Variants in HIPK3 observed in about 807,000 individuals in gnomAD.
The protein encoded by HIPK3 is homeodomain interacting protein kinase 3, also known as homeodomain-interacting protein kinase 3.
In HIPK3, 47 loss-of-function variants were observed where a neutral mutation model predicts 124.2. That is an observed-to-expected ratio of 0.38 (90% CI 0.30 to 0.48). The LOEUF is 0.48. HIPK3 is among the 20% of genes least tolerant of loss of function. HIPK3 has a pLI of 0.98. For synonymous variants in HIPK3, 482 were observed against 515.2 expected, an observed-to-expected ratio of 0.94 and a Z score of 0.87; for missense variants, 1,286 against 1,454.3, an observed-to-expected ratio of 0.88 and a Z score of 1.88.
In HIPK3 at chr11:33,308,613, G is replaced by GGGGT. The variant is rs1554965207; in HGVS notation, c.1098-19896_1098-19895insGGTG. Among the ~76,000 whole-genome samples the GGGGT allele has an allele frequency of 4.0e-3, 594 of 147,474 alleles. 1 individual carries two copies. The highest frequency in any genetic ancestry group is 7.1e-3 in the Admixed American group (105 of 14,754). ...CTTGATCTACAGGTGTGTGCCTAGG[G>GGGGT]GTGTGTGTGTGTGTGTGTGTGTGTG... is the stretch of plus-strand genomic sequence containing the variant. On this transcript the variant is annotated intron_variant, in intron 2 of 16. Coordinates refer to ENST00000303296, the MANE Select transcript of HIPK3 (RefSeq NM_005734.5).
At chr11:33,321,830 A>C (rs1852670925) in intron 2 of HIPK3, among the ~76,000 whole-genome samples, 1 of 152,134 alleles carries the variant, frequency 6.6e-6, no homozygotes, top group African/African-American at 2.4e-5. Flanking sequence ...GAAAATACTA[A>C]GGCTTAGGTA....
intron 2 of HIPK3, among the ~76,000 whole-genome samples, chr11:33,320,521 G>C (rs1458048236): frequency 2.0e-5 from 3 of 152,212 alleles, no homozygotes; most frequent in African/African-American, 7.2e-5. Context: ...AGAGATGGTA[G>C]AGGATAAGGA....
rs1376126629 is a variant in HIPK3 at position 33,341,680 on chromosome 11, A to C, written c.1891A>C (p.Ile631Leu). ...QQTLIICPPA[I>L]QGIPATHGKP... The stretch of plus-strand genomic sequence containing the variant: ...GACATTGATTATCTGTCCCCCAGCT[A>C]TTCAAGGTATTATTTTATTTAAATT... Residue 631 changes from isoleucine (I) to leucine (L), a missense_variant, in exon 8 of 17, where the codon ATT becomes CTT. This residue lies in a region of HIPK3 where 810 missense variants were observed against 864.9 expected (regional missense o/e 0.94). Coordinates refer to ENST00000303296, the MANE Select transcript of HIPK3 (RefSeq NM_005734.5). The C allele has an allele frequency of 6.2e-7, 1 of 1,606,260 alleles. No individual in the cohort carries two copies.
rs374964013 is a variant in HIPK3 at position 33,302,339 on chromosome 11, C to CT, written c.1097+14830dup. ...TGAACTTCTCTATGATAATTCCTTA[C>CT]TTCTTTTTTTTTTTTTTGAGAAGGA... On this transcript the variant is annotated intron_variant, in intron 2 of 16. Transcript: ENST00000303296. Among the ~76,000 whole-genome samples the CT allele has an allele frequency of 1.5e-4, 18 of 121,140 alleles. 1 individual carries two copies. The highest frequency in any genetic ancestry group is 3.9e-4 in the African/African-American group (13 of 33,718). The allele number at this position is 121,140 out of a possible 152,430, so 79.5% of individuals were successfully genotyped here.
Position 33,349,237 on chromosome 11 carries a change from T to G in HIPK3, c.2757T>G (p.Ser919Arg). The G allele has an allele frequency of 6.2e-7, 1 of 1,613,700 alleles. No individual in the cohort carries two copies. The highest frequency in any genetic ancestry group is 8.5e-7 in the Non-Finnish European group (1 of 1,179,594). The stretch of plus-strand genomic sequence containing the variant: ...TAAGTAGTCCTGATAGTACTCTGAG[T>G]ACCAGCTCCTCAGGGCAGTCCAGCC... ...CSLSSPDSTL[S>R]TSSSGQSSPS... is the part of the protein sequence containing the mutation. Residue 919 changes from serine to arginine, a missense_variant, in exon 14 of 17, where the codon AGT (serine) becomes AGG (arginine). This residue lies in a region of HIPK3 where 810 missense variants were observed against 864.9 expected (regional missense o/e 0.94). Transcript: ENST00000303296.
At chr11:33,316,879 A>G (rs1331685029) in intron 2 of HIPK3, among the ~76,000 whole-genome samples, 1 of 152,238 alleles carries the variant, frequency 6.6e-6, no homozygotes, top group African/African-American at 2.4e-5. Context: ...AATAAATAAG[A>G]TTCACTTAAG....
Position 33,349,143 on chromosome 11 carries a change from C to G in HIPK3, c.2667-4C>G. The G allele has an allele frequency of 6.2e-7, 1 of 1,610,026 alleles. No homozygotes were observed. The highest frequency in any genetic ancestry group is 8.5e-7 in the Non-Finnish European group (1 of 1,178,304). On this transcript the variant is annotated splice_polypyrimidine_tract_variant and splice_region_variant and intron_variant, in intron 13 of 16. Transcript: ENST00000303296. ...TCATGTTTTTCCCTTTTCTCTTCCA[C>G]TAGATGTAAAGGTAGTCTAGATTGT... is the stretch of plus-strand genomic sequence containing the variant.
At chr11:33,289,804 T>C (rs895922101) in intron 2 of HIPK3, among the ~76,000 whole-genome samples, 1 of 152,162 alleles carries the variant, frequency 6.6e-6, no homozygotes, top group South Asian at 2.1e-4. Context: ...CTCTACTCCC[T>C]ACCCCCATCT....
intron 2 of HIPK3, among the ~76,000 whole-genome samples, chr11:33,308,797 C>G (rs936063646): frequency 7.4e-6 from 1 of 135,612 alleles, no homozygotes; most frequent in Non-Finnish European, 1.6e-5. Flanking sequence ...CATTTTAGTT[C>G]TATATATATA....
intron 15 of HIPK3, 33 bp downstream of exon 15, chr11:33,351,876 C>T (rs1304793327): frequency 1.3e-6 from 2 of 1,527,154 alleles, no homozygotes; most frequent in Non-Finnish European, 1.8e-6. Flanking sequence ...TCTGGTTGTC[C>T]TTTAAATACG....
At chr11:33,306,059 G>T (rs1374822320) in intron 2 of HIPK3, among the ~76,000 whole-genome samples, 2 of 152,054 alleles carry the variant, frequency 1.3e-5, no homozygotes, top group Non-Finnish European at 2.9e-5. Flanking sequence ...TAAAGCTGAA[G>T]ATATTTTAGA....
At chr11:33,299,966 G>C (rs1261724047) in intron 2 of HIPK3, among the ~76,000 whole-genome samples, 1 of 150,146 alleles carries the variant, frequency 6.7e-6, no homozygotes, top group East Asian at 2.0e-4. Context: ...AGGTTGCGGT[G>C]AGCAGAGACT....
At chr11:33,352,443 T>C (rs1014100503) in intron 16 of HIPK3, among the ~76,000 whole-genome samples, 178 bp downstream of exon 16, 3 of 152,240 alleles carry the variant, frequency 2.0e-5, no homozygotes, top group African/African-American at 7.2e-5. Flanking sequence ...AAATTATCCA[T>C]AGAACTTGTA....
chr11:33,294,866 C>CT (rs1368518316), intron 2 of HIPK3, among the ~76,000 whole-genome samples: 3 of 152,142 alleles, frequency 2.0e-5, no homozygotes, highest in Non-Finnish European at 2.9e-5. Flanking sequence ...ACTAATGGAC[C>CT]TTTTTTTCTC....
chr11:33,261,477 T>C (rs747985178), intron 1 of HIPK3, among the ~76,000 whole-genome samples: 12 of 152,204 alleles, frequency 7.9e-5, no homozygotes, highest in East Asian at 1.9e-4. Context: ...TTTGGTTTTC[T>C]GTTCCTGCAT....
intron 1 of HIPK3, among the ~76,000 whole-genome samples, chr11:33,282,792 G>C (rs1851446334): frequency 6.6e-6 from 1 of 152,140 alleles, no homozygotes; most frequent in Non-Finnish European, 1.5e-5. Flanking sequence ...AAATTATCGA[G>C]TAGGGTGTAG....
Position 33,341,576 on chromosome 11 carries a change from C to T in HIPK3, c.1787C>T (p.Ser596Phe), listed in dbSNP as rs1853336442. The T allele has an allele frequency of 6.2e-7, 1 of 1,611,936 alleles. No individual in the cohort carries two copies. The highest frequency in any genetic ancestry group is 8.5e-7 in the Non-Finnish European group (1 of 1,179,066). ...TCGTTGTTTCAGGCATTGACCACATCTGCTCATTCAGTTGTGCACCATGGA... is the reference window on the plus strand; with the variant it reads ...TCGTTGTTTCAGGCATTGACCACATTTGCTCATTCAGTTGTGCACCATGGA... ...GTLRSQALTT[S>F]AHSVVHHGIP... The change falls in exon 8 of 17, where the codon TCT becomes TTT. Residue 596 changes from serine to phenylalanine, a missense_variant. This residue lies in a region of HIPK3 where 810 missense variants were observed against 864.9 expected (regional missense o/e 0.94). Coordinates refer to ENST00000303296, the MANE Select transcript of HIPK3 (RefSeq NM_005734.5).
At chr11:33,258,284 C>CT in intron 1 of HIPK3, 1 of 985,060 alleles carries the variant, frequency 1.0e-6, no homozygotes, top group Non-Finnish European at 1.2e-6. Flanking sequence ...GGGAGCCTCT[C>CT]TTCCCCCTCC....
chr11:33,275,008 G>A (rs1264746632), intron 1 of HIPK3, among the ~76,000 whole-genome samples: 1 of 152,030 alleles, frequency 6.6e-6, no homozygotes, highest in Non-Finnish European at 1.5e-5. Context: ...GTTTTACAAT[G>A]TATGGTGGTT....
Sources: allele counts gnomAD v4.1 joint callset (sites outside exome capture counted in the v4.1 genomes callset), GRCh38; gene constraint gnomAD v4.1.1; regional missense constraint gnomAD v4.1.1; transcripts MANE v1.5; gene names NCBI Gene and HGNC (gene_info 2026-07-23, HGNC 2026-07-21).